Variants in CTNNA2 observed in about 807,000 individuals in gnomAD.
CTNNA2 encodes catenin alpha-2.
Under a neutral mutation model 101.0 loss-of-function variants are expected in CTNNA2, and 42 were observed. The observed-to-expected ratio is 0.42, with a 90% CI of 0.32 to 0.54. The LOEUF (loss-of-function observed/expected upper bound fraction) is 0.54, where lower values mean the gene tolerates loss of function less well. Among genes scored for constraint, CTNNA2 ranks in the 20% least tolerant of loss-of-function variants. CTNNA2 has a pLI of 0.14. For synonymous variants in CTNNA2, 450 were observed against 456.4 expected, an observed-to-expected ratio of 0.99 and a Z score of 0.18; for missense variants, 871 against 1,223.1, an observed-to-expected ratio of 0.71 and a Z score of 4.29.
chr2:79,292,524 A>G (rs964896439), intron 2 of CTNNA2, among the ~76,000 whole-genome samples: 7 of 152,184 alleles, frequency 4.6e-5, no homozygotes, highest in Admixed American at 6.5e-5. Context: ...GAACTAAAAG[A>G]TGAAGCTTTC....
intron 15 of CTNNA2, among the ~76,000 whole-genome samples, chr2:80,591,592 G>C (rs900757392): frequency 2.0e-5 from 3 of 151,096 alleles, no homozygotes; most frequent in Non-Finnish European, 4.4e-5. Context: ...ACTTCAAGGA[G>C]GAATAATTTT....
intron 7 of CTNNA2, among the ~76,000 whole-genome samples, chr2:80,192,797 G>A (rs1284432747): frequency 1.3e-5 from 2 of 152,182 alleles, no homozygotes; most frequent in African/African-American, 4.8e-5. Flanking sequence ...ACAGGCGCGA[G>A]CCACCGCACC....
At chr2:80,447,480 G>C (rs1413620562) in intron 9 of CTNNA2, among the ~76,000 whole-genome samples, 1 of 152,198 alleles carries the variant, frequency 6.6e-6, no homozygotes, top group Admixed American at 6.6e-5. Flanking sequence ...AGGCCTGTGT[G>C]TGAGCAGCCA....
intron 7 of CTNNA2, among the ~76,000 whole-genome samples, chr2:80,279,495 G>C (rs556808133): frequency 6.6e-6 from 1 of 152,240 alleles, no homozygotes; most frequent in East Asian, 1.9e-4. Context: ...TGATTTCAAA[G>C]GCATCTTCCA....
At chr2:80,290,621 C>G (rs1165807261) in intron 7 of CTNNA2, among the ~76,000 whole-genome samples, 3 of 152,008 alleles carry the variant, frequency 2.0e-5, no homozygotes, top group African/African-American at 7.3e-5. Context: ...ATTACTCCCC[C>G]TCCCTGAAAT....
At chr2:79,627,843 G>A (rs1679420119) in intron 1 of CTNNA2, among the ~76,000 whole-genome samples, 1 of 152,074 alleles carries the variant, frequency 6.6e-6, no homozygotes, top group Admixed American at 6.5e-5. Flanking sequence ...CAAGGTTTTT[G>A]ATATTTGATG....
At chr2:80,299,147 A>T (rs887567880) in intron 7 of CTNNA2, 14 of 152,300 alleles carry the variant, frequency 9.2e-5, no homozygotes, top group African/African-American at 3.4e-4. Context: ...TTCAGATAGC[A>T]CAGCATAATG....
At chr2:80,125,865 AC>A (rs1247711843) in intron 7 of CTNNA2, among the ~76,000 whole-genome samples, 2 of 152,060 alleles carry the variant, frequency 1.3e-5, no homozygotes, top group Admixed American at 1.3e-4. Context: ...GGCCAATAAT[AC>A]CCCACATGAT....
At chr2:80,058,068 G>A (rs1697344688) in intron 7 of CTNNA2, among the ~76,000 whole-genome samples, 1 of 152,210 alleles carries the variant, frequency 6.6e-6, no homozygotes, top group South Asian at 2.1e-4. Context: ...TGTATAGTGA[G>A]TGGCCTCCAG....
chr2:80,596,290 T>G (rs1190496518), intron 15 of CTNNA2, among the ~76,000 whole-genome samples: 28 of 37,622 alleles, frequency 7.4e-4, no homozygotes, highest in African/African-American at 2.7e-3. Context: ...TTTTTTTTTT[T>G]TTTTTTTTTT....
intron 1 of CTNNA2, chr2:79,514,760 C>T (rs1254034372): frequency 6.6e-6 from 1 of 152,104 alleles, no homozygotes; most frequent in Non-Finnish European, 1.5e-5. Flanking sequence ...CCTAAAACAA[C>T]AGACCAAAAA....
chr2:80,476,166 G>A (rs1284956842), intron 9 of CTNNA2, among the ~76,000 whole-genome samples: 2 of 152,082 alleles, frequency 1.3e-5, no homozygotes, highest in African/African-American at 4.8e-5. Context: ...CATGACCACA[G>A]ATGATGTCTG....
At position 79,676,937 on chromosome 2, in the gene CTNNA2, T is replaced by C. The variant is rs545424246; in HGVS notation, c.102+25279T>C. Among the ~76,000 whole-genome samples, 9 of 152,246 alleles carry C rather than the reference T, an allele frequency of 5.9e-5. 1 individual carries two copies. Among genetic ancestry groups the C allele is most frequent in the African/African-American group, 2.2e-4 (9 of 41,548 alleles). ...CCTTTTGTGGGAAGTGCTATTCCCC[T>C]GTCATCCTCAAAGGCTTAGGGTGAC... On this transcript the variant is annotated intron_variant, in intron 2 of 18. Transcript: ENST00000402739.
intron 7 of CTNNA2, among the ~76,000 whole-genome samples, chr2:80,195,204 C>T (rs2149004778): frequency 6.6e-6 from 1 of 152,208 alleles, no homozygotes; most frequent in East Asian, 1.9e-4. Flanking sequence ...ATATTGAATT[C>T]CGTATGCCTG....
At chr2:80,233,308 A>G (rs1047175424) in intron 7 of CTNNA2, among the ~76,000 whole-genome samples, 8 of 152,152 alleles carry the variant, frequency 5.3e-5, no homozygotes, top group South Asian at 4.1e-4. Context: ...TGTGAGAAGC[A>G]ATCCCACCGA....
chr2:80,185,669 G>C (rs141348326), intron 7 of CTNNA2, among the ~76,000 whole-genome samples: 1 of 152,122 alleles, frequency 6.6e-6, no homozygotes, highest in Non-Finnish European at 1.5e-5. Flanking sequence ...CTGTTTGTTC[G>C]GTGAGTCCTT....
intron 1 of CTNNA2, among the ~76,000 whole-genome samples, chr2:79,610,882 T>C (rs1451952399): frequency 6.6e-6 from 1 of 152,096 alleles, no homozygotes; most frequent in Non-Finnish European, 1.5e-5. Context: ...AAAAATAAAG[T>C]AACATGCAAA....
At chr2:79,215,457 T>C (rs143920037) in intron 2 of CTNNA2, among the ~76,000 whole-genome samples, 2,776 of 152,260 alleles carry the variant, frequency 0.018, 130 homozygotes, top group East Asian at 0.16. Context: ...ACCTCGAAGG[T>C]GAGGTTAATT....
intron 5 of CTNNA2, chr2:79,505,191 T>A (rs916159973): frequency 6.6e-6 from 1 of 152,220 alleles, no homozygotes; most frequent in East Asian, 1.9e-4. Flanking sequence ...TGGTAAGACA[T>A]CTCTTCTCTT....
Sources: allele counts gnomAD v4.1 joint callset (sites outside exome capture counted in the v4.1 genomes callset), GRCh38; gene constraint gnomAD v4.1.1; transcripts MANE v1.5; gene names NCBI Gene and HGNC (gene_info 2026-07-23, HGNC 2026-07-21).